TRPV3: variants seen among roughly 807,000 people sequenced by gnomAD.
TRPV3 encodes the protein VRL-3.
A neutral mutation model predicts 87.1 loss-of-function variants in TRPV3; 88 were observed. The ratio of observed to expected loss-of-function variants is 1.01; its 90% CI spans 0.85 to 1.21. The LOEUF (loss-of-function observed/expected upper bound fraction) is 1.21. Ranked by LOEUF, TRPV3 falls within the 50% of genes most tolerant of loss-of-function variation. The pLI, the probability that TRPV3 is intolerant of heterozygous loss-of-function variation, is 0.00. For missense variants in TRPV3, 1,054 were observed against 1,030.1 expected (o/e 1.02, Z -0.32); for synonymous variants, 438 against 423.3 (o/e 1.03, Z -0.43).
rs1284996325 is a variant in TRPV3, at chr17:3,530,333, C to G, written c.1066-130G>C. The G allele has an allele frequency of 1.1e-6, 1 of 886,522 alleles. No individual in the cohort carries two copies. The highest frequency in any genetic ancestry group is 1.7e-5 in the African/African-American group (1 of 59,216). 54.9% of individuals were successfully genotyped at this position (886,522 alleles called of 1,614,324 possible). Reference sequence around the variant, plus strand: ...GAATGGGTGGAGACCTGCCTCTGCGCCTGGCGCCATGGCCCCTGGGCCCCG... The same window carrying G: ...GAATGGGTGGAGACCTGCCTCTGCGGCTGGCGCCATGGCCCCTGGGCCCCG... On this transcript the variant is annotated intron_variant, in intron 8 of 17. Transcript: ENST00000576742. This position sits in a 1 kb window ranked among gnomAD's most constrained non-coding sequence, Gnocchi z 4.0.
In TRPV3 at chr17:3,525,911, G is replaced by A. The variant is rs374574142; in HGVS notation, c.1577+943C>T. On this transcript the variant is annotated intron_variant, in intron 12 of 17. Transcript: ENST00000576742. ...ATTACAAGCATGACCCATCGTGCCC[G>A]GCCCACAGTTAAAATGTTTTTAAGT... Among the ~76,000 whole-genome samples the A allele has an allele frequency of 1.0e-3, 154 of 152,152 alleles. 2 individuals are homozygous for A. The South Asian group carries it at 0.016, about 16-fold the overall frequency.
Position 3,518,556 on chromosome 17 carries a change from G to T in TRPV3, c.2085+20C>A. ...GAGTCCCGTGGAGGCCCCCACGCTG[G>T]GGTCTCCACCTAGGCTCACCTGCAG... is the stretch of plus-strand genomic sequence containing the variant. On this transcript the variant is annotated intron_variant, in intron 15 of 17. Transcript: ENST00000576742. The surrounding 1 kb of genome is among the most constrained non-coding windows in gnomAD (Gnocchi z 4.3). The T allele has an allele frequency of 6.5e-7, 1 of 1,543,118 alleles. No homozygotes were observed. The highest frequency in any genetic ancestry group is 1.2e-5 in the South Asian group (1 of 82,362).
rs542773882 is a variant in TRPV3, at chr17:3,529,140, G to C, written c.1243-145C>G. On this transcript the variant is annotated intron_variant, in intron 9 of 17. Coordinates refer to ENST00000576742, the MANE Select transcript of TRPV3 (RefSeq NM_145068.4). ...GGACTGGTCTGGTTGGAAATGCTGG[G>C]AGGGTGATTTCCGGCTCCTGAGGCT... The C allele has an allele frequency of 1.7e-5, 17 of 997,702 alleles. No homozygotes were observed. In the South Asian group the frequency reaches 2.6e-4, roughly 15 times the overall value. 61.8% of individuals were successfully genotyped at this position (997,702 alleles called of 1,614,324 possible).
intron 6 of TRPV3, among the ~76,000 whole-genome samples, chr17:3,540,540 C>A (rs1197460997): frequency 6.6e-6 from 1 of 152,180 alleles, no homozygotes; most frequent in Non-Finnish European, 1.5e-5. Flanking sequence ...TAACAACCTT[C>A]TTTCATTCAC....
chr17:3,536,270 G>C lies in TRPV3; in HGVS notation c.644-557C>G, dbSNP rs935250810. ...GCATGGGTGTTTTCAGACCTCTCTGGCTGCAAAAGTGGAGGATGCGTTAGA... is the reference window on the plus strand; with the variant it reads ...GCATGGGTGTTTTCAGACCTCTCTGCCTGCAAAAGTGGAGGATGCGTTAGA... On this transcript the variant is annotated intron_variant, in intron 6 of 17. Transcript: ENST00000576742. Among the ~76,000 whole-genome samples the C allele has an allele frequency of 3.3e-5, 5 of 152,306 alleles. No homozygotes were observed. In the South Asian group the frequency reaches 1.0e-3, roughly 32 times the overall value.
rs1768853289 is a variant in TRPV3 at position 3,530,943 on chromosome 17, C to G, written c.1066-740G>C. On this transcript the variant is annotated intron_variant, in intron 8 of 17. Coordinates refer to ENST00000576742, the MANE Select transcript of TRPV3 (RefSeq NM_145068.4). This position sits in a 1 kb window ranked among gnomAD's most constrained non-coding sequence, Gnocchi z 4.0. Reference sequence around the variant, plus strand: ...TGGTGGCAGGCGCCTGTAACCCCAGCTACTCAGGAGGCTGAGGCAGGAGAG... The same window carrying G: ...TGGTGGCAGGCGCCTGTAACCCCAGGTACTCAGGAGGCTGAGGCAGGAGAG... Among the ~76,000 whole-genome samples, 1 of 152,040 alleles carries G rather than the reference C, an allele frequency of 6.6e-6. No homozygotes were observed. Among genetic ancestry groups the G allele is most frequent in the Non-Finnish European group, 1.5e-5 (1 of 68,010 alleles).
chr17:3,529,994 C>A, intron 9 of TRPV3, 33 bp downstream of exon 9: 1 of 1,593,752 alleles, frequency 6.3e-7, no homozygotes, highest in South Asian at 1.1e-5. Flanking sequence ...GCCCTCTTCT[C>A]CCTGCCCTTC....
intron 1 of TRPV3, 34 bp from the exon 2 acceptor site, chr17:3,554,886 G>C: frequency 6.9e-7 from 1 of 1,447,580 alleles, no homozygotes; most frequent in Non-Finnish European, 9.5e-7. Context: ...TGCTCAGGCC[G>C]GGGGGACAGG....
chr17:3,553,812 C>T (rs1187014426), intron 2 of TRPV3: 1 of 152,324 alleles, frequency 6.6e-6, no homozygotes, highest in Non-Finnish European at 1.5e-5. Context: ...CACAGGACAC[C>T]TCAATGATTA....
At chr17:3,541,693 C>T (rs1014408498) in intron 6 of TRPV3, among the ~76,000 whole-genome samples, 4 of 152,164 alleles carry the variant, frequency 2.6e-5, no homozygotes, top group Admixed American at 6.5e-5. Flanking sequence ...GGCCCCTGCC[C>T]GGCTCTCTTG....
intron 13 of TRPV3, 125 bp downstream of exon 13, chr17:3,524,073 C>T: frequency 7.9e-7 from 1 of 1,262,538 alleles, no homozygotes; most frequent in Non-Finnish European, 1.1e-6. Flanking sequence ...GAGTGCATGG[C>T]ATTTGGGAGA....
Position 3,518,627 on chromosome 17 carries a change from G to T in TRPV3, c.2034C>A (p.Gly678=). The change falls in exon 15 of 18, where the codon GGC becomes GGA. Residue 678 remains glycine (G), a synonymous_variant. Transcript: ENST00000576742. This position sits in a 1 kb window ranked among gnomAD's most constrained non-coding sequence, Gnocchi z 4.3. The part of the protein sequence containing the change: ...LLLNMLIALM[G]ETVENVSKES... ...CCTTGGAGACGTTCTCCACAGTCTC[G>T]CCCATCAGAGCAATGAGCATGTTGA... is the stretch of plus-strand genomic sequence containing the variant. The T allele has an allele frequency of 1.3e-6, 2 of 1,581,096 alleles. No homozygotes were observed. Among genetic ancestry groups the T allele is most frequent in the Non-Finnish European group, 1.7e-6 (2 of 1,162,562 alleles).
chr17:3,542,911 G>A (rs574408265), intron 5 of TRPV3, among the ~76,000 whole-genome samples: 3 of 152,056 alleles, frequency 2.0e-5, no homozygotes, highest in South Asian at 2.1e-4. Flanking sequence ...CATGGGTGAC[G>A]TATCTGAGGC....
At chr17:3,537,400 G>A (rs910322623) in intron 6 of TRPV3, among the ~76,000 whole-genome samples, 26 of 151,974 alleles carry the variant, frequency 1.7e-4, no homozygotes, top group African/African-American at 6.3e-4. Flanking sequence ...ACACACACAC[G>A]TGTGGACTAC....
chr17:3,516,042 C>A (rs2074180275), intron 16 of TRPV3, among the ~76,000 whole-genome samples: 1 of 151,960 alleles, frequency 6.6e-6, no homozygotes, highest in Non-Finnish European at 1.5e-5. Flanking sequence ...CAAAATTAGC[C>A]AGGGGTGGTG....
At chr17:3,522,549 T>A (rs2074256484) in intron 13 of TRPV3, among the ~76,000 whole-genome samples, 1 of 152,036 alleles carries the variant, frequency 6.6e-6, no homozygotes, top group African/African-American at 2.4e-5. Flanking sequence ...AATAATTTGT[T>A]GATTCCCCCC....
In TRPV3 at chr17:3,530,168, C is replaced by T. The variant is rs776179155; in HGVS notation, c.1101G>A (p.Glu367=). The change falls in exon 9 of 18, where the codon GAG becomes GAA. Residue 367 remains glutamate (E), a synonymous_variant. Transcript: ENST00000576742. The surrounding 1 kb of genome is among the most constrained non-coding windows in gnomAD (Gnocchi z 4.0). ...TCCTGGACAGGCTCCGGAGCCGCTTCTCCTTGATCTCACGACTGAGGATGT... is the reference window on the plus strand; with the variant it reads ...TCCTGGACAGGCTCCGGAGCCGCTTTTCCTTGATCTCACGACTGAGGATGT... ...LKYILSREIK[E]KRLRSLSRKF... The T allele has an allele frequency of 5.3e-5, 85 of 1,613,740 alleles. No homozygotes were observed. Among genetic ancestry groups the T allele is most frequent in the Non-Finnish European group, 7.1e-5 (84 of 1,179,868 alleles).
At chr17:3,525,948 C>G (rs1407252170) in intron 12 of TRPV3, among the ~76,000 whole-genome samples, 1 of 152,106 alleles carries the variant, frequency 6.6e-6, no homozygotes, top group East Asian at 1.9e-4. Flanking sequence ...TAATATATCG[C>G]AAACATACAA....
chr17:3,557,420 T>C lies in TRPV3; in HGVS notation c.-3+256A>G, dbSNP rs2074643124. Among the ~76,000 whole-genome samples the C allele has an allele frequency of 6.6e-6, 1 of 152,140 alleles. No individual in the cohort carries two copies. The highest frequency in any genetic ancestry group is 6.5e-5 in the Admixed American group (1 of 15,284). ...GAGATTGAGATGTCCCTCCCCAGGATTCCCAAACCTCAGGGGAATGTTCCT... is the reference window on the plus strand; with the variant it reads ...GAGATTGAGATGTCCCTCCCCAGGACTCCCAAACCTCAGGGGAATGTTCCT... On this transcript the variant is annotated intron_variant, in intron 1 of 17. Coordinates refer to ENST00000576742, the MANE Select transcript of TRPV3 (RefSeq NM_145068.4). The surrounding 1 kb of genome is among the most constrained non-coding windows in gnomAD (Gnocchi z 4.5).
Sources: allele counts gnomAD v4.1 joint callset (sites outside exome capture counted in the v4.1 genomes callset), GRCh38; gene constraint gnomAD v4.1.1; non-coding constraint Gnocchi (gnomAD v3.1); transcripts MANE v1.5; gene names NCBI Gene and HGNC (gene_info 2026-07-23, HGNC 2026-07-21).